Variants in TRIL observed in about 807,000 individuals in gnomAD.
TRIL encodes the protein TLR4 interactor with leucine rich repeats.
A neutral mutation model predicts 43.0 loss-of-function variants in TRIL; 23 were observed. That is an observed-to-expected ratio of 0.54 (90% CI 0.39 to 0.76). TRIL has a LOEUF of 0.76. Among genes scored for constraint, TRIL ranks in the 30% least tolerant of loss-of-function variants. TRIL has a pLI of 0.00. For synonymous variants in TRIL, 602 were observed against 556.8 expected (o/e 1.08, Z -1.14); for missense variants, 1,114 against 1,139.3 (o/e 0.98, Z 0.32).
Position 28,955,743 on chromosome 7 carries a change from G to C in TRIL, c.2304C>G (p.Arg768=), listed in dbSNP as rs887147194. Reference sequence around the variant, plus strand: ...CCTCACTGAGCGCGCACACGGTGGTGCGTGGCCGGTGCGACTGGAATCCCG... The same window carrying C: ...CCTCACTGAGCGCGCACACGGTGGTCCGTGGCCGGTGCGACTGGAATCCCG... ...DFSGFQSHRP[R]TTVCALSEAD... is the part of the protein sequence containing the mutation. The change falls in exon 1 of 1, where the codon CGC becomes CGG. Residue 768 remains arginine, a synonymous_variant. Coordinates refer to ENST00000539664, the MANE Select transcript of TRIL (RefSeq NM_014817.4). The C allele has an allele frequency of 7.7e-6, 12 of 1,550,366 alleles. No individual in the cohort carries two copies. Among genetic ancestry groups the C allele is most frequent in the Non-Finnish European group, 1.0e-5 (12 of 1,146,896 alleles).
chr7:28,957,125 G>T lies in TRIL; in HGVS notation c.922C>A (p.Leu308Met). 6.3e-7 allele frequency: 1 copy of T among 1,578,570 alleles called. No individual in the cohort carries two copies. Among genetic ancestry groups the T allele is most frequent in the Non-Finnish European group, 8.6e-7 (1 of 1,165,264 alleles). The stretch of plus-strand genomic sequence containing the variant: ...AGGGCGGACAGCTCATTGCCGCTCA[G>T]GTCCAGCGCCTCCAGGCTGTGCAGA... Reference protein sequence around the residue: ...EPLHSLEALDLSGNELSALHP... With the variant: ...EPLHSLEALDMSGNELSALHP... Residue 308 changes from leucine (L) to methionine (M), a missense_variant, in exon 1 of 1, where the codon CTG (leucine) becomes ATG (methionine). By Grantham distance (15) the Leu-to-Met change is conservative (BLOSUM62 2). Transcript: ENST00000539664.
At position 28,958,265 on chromosome 7, in the gene TRIL, A is replaced by G. The variant is rs1341653223; in HGVS notation, c.-219T>C. On this transcript the variant is annotated 5_prime_UTR_variant, in exon 1 of 1. Transcript: ENST00000539664. Reference sequence around the variant, plus strand: ...TCAGGCGGCGCGGGGCGCTCTGCAGACCCCGGGTACTACTTGTTGCATTTC... The same window carrying G: ...TCAGGCGGCGCGGGGCGCTCTGCAGGCCCCGGGTACTACTTGTTGCATTTC... 1.8e-6 allele frequency: 1 copy of G among 552,926 alleles called. No homozygotes were observed. The highest frequency in any genetic ancestry group is 3.1e-6 in the Non-Finnish European group (1 of 320,832). The allele number at this position is 552,926 out of a possible 1,614,324, so 34.3% of individuals were successfully genotyped here. A position where few individuals can be genotyped will look rare whatever the true frequency, so the allele number is the denominator to read the frequency against.
rs776504217 is a variant in TRIL at position 28,957,854 on chromosome 7, T to A, written c.193A>T (p.Ser65Cys). ...TTGGTTATGAAGTTGCCGCCGAGGC[T>A]GTAGGTGAGCACGTCGTGGGGGCTC... Reference protein sequence around the residue: ...LPSPHDVLTYSLGGNFITNIT... With the variant: ...LPSPHDVLTYCLGGNFITNIT... Residue 65 changes from serine to cysteine, a missense_variant, in exon 1 of 1, where the codon AGC becomes TGC. Ser to Cys is a moderately radical substitution (Grantham distance 112). Transcript: ENST00000539664. 10 of 1,613,700 alleles carry A rather than the reference T, an allele frequency of 6.2e-6. No homozygotes were observed. Among genetic ancestry groups the A allele is most frequent in the Non-Finnish European group, 8.5e-6 (10 of 1,179,810 alleles).
Position 28,957,033 on chromosome 7 carries a change from G to A in TRIL, c.1014C>T (p.Ser338=). 2 of 1,580,832 alleles carry A rather than the reference G, an allele frequency of 1.3e-6. No homozygotes were observed. Among genetic ancestry groups the A allele is most frequent in the Non-Finnish European group, 1.7e-6 (2 of 1,166,242 alleles). The change falls in exon 1 of 1, where the codon AGC becomes AGT. Residue 338 remains serine, a synonymous_variant. Coordinates refer to ENST00000539664, the MANE Select transcript of TRIL (RefSeq NM_014817.4). ...RELSLRNNAL[S]ALSGDIFAAS... ...CGGCGAAGATGTCCCCGGATAGGGC[G>A]CTGAGCGCGTTGTTGCGCAGGCTGA...
Position 28,958,024 on chromosome 7 carries a change from C to T in TRIL, c.23G>A (p.Arg8His), listed in dbSNP as rs758768615. 6 of 1,569,054 alleles carry T rather than the reference C, an allele frequency of 3.8e-6. No homozygotes were observed. Among genetic ancestry groups the T allele is most frequent in the Non-Finnish European group, 4.3e-6 (5 of 1,164,554 alleles). The part of the protein sequence containing the change: MEAARAL[R>H]LLLVVCGCLA... ...GCAGCCGCACACCACGAGCAGGAGGCGCAAGGCGCGGGCAGCCTCCATCGC... is the reference window on the plus strand; with the variant it reads ...GCAGCCGCACACCACGAGCAGGAGGTGCAAGGCGCGGGCAGCCTCCATCGC... The change falls in exon 1 of 1, where the codon CGC (arginine) becomes CAC (histidine). Residue 8 changes from arginine to histidine, a missense_variant. Arg to His is a conservative substitution (Grantham distance 29, BLOSUM62 0). Transcript: ENST00000539664.
rs1241927906 is a variant in TRIL at position 28,954,697 on chromosome 7, T to C, written c.*914A>G. On this transcript the variant is annotated 3_prime_UTR_variant, in exon 1 of 1. Coordinates refer to ENST00000539664, the MANE Select transcript of TRIL (RefSeq NM_014817.4). ...ACTGTCACAGATGTGGTAAGTGAAC[T>C]GGAACACTGGTGTTCCCCAGTGGGT... 6.6e-6 allele frequency: 1 copy of C among 152,250 alleles called. No homozygotes were observed. Among genetic ancestry groups the C allele is most frequent in the Non-Finnish European group, 1.5e-5 (1 of 68,048 alleles). The allele number at this position is 152,250 out of a possible 1,614,324, so 9.4% of individuals were successfully genotyped here. A position where few individuals can be genotyped will look rare whatever the true frequency, so the allele number is the denominator to read the frequency against.
In TRIL at chr7:28,956,038, C is replaced by A. The variant is rs893676080; in HGVS notation, c.2009G>T (p.Cys670Phe). ...CVEGVLGGRV[C>F]PVAPRDHCAG... ...GCAGTGGTCCCGGGGAGCCACAGGGCAGACACGGCCCCCAAGCACGCCCTC... is the reference window on the plus strand; with the variant it reads ...GCAGTGGTCCCGGGGAGCCACAGGGAAGACACGGCCCCCAAGCACGCCCTC... The change falls in exon 1 of 1, where the codon TGC (cysteine) becomes TTC (phenylalanine). Residue 670 changes from cysteine (C) to phenylalanine (F), a missense_variant. Physicochemically the swap from Cys to Phe is radical, Grantham distance 205. Coordinates refer to ENST00000539664, the MANE Select transcript of TRIL (RefSeq NM_014817.4). 1.2e-5 allele frequency: 18 copies of A among 1,549,676 alleles called. No individual in the cohort carries two copies. The highest frequency in any genetic ancestry group is 1.5e-5 in the Non-Finnish European group (17 of 1,152,270).
In TRIL at chr7:28,956,209, C is replaced by G. The variant is rs1300835394; in HGVS notation, c.1838G>C (p.Arg613Pro). ...RWAVREHRSP[R>P]PLGGARFRLL... ...GCGGAAGCGCGCGCCGCCCAGCGGC[C>G]GGGGACTGCGGTGCTCGCGCACGGC... Residue 613 changes from arginine to proline, a missense_variant, in exon 1 of 1, where the codon CGG becomes CCG. Arg to Pro is a moderately radical substitution (Grantham distance 103). Transcript: ENST00000539664. 3 of 1,559,840 alleles carry G rather than the reference C, an allele frequency of 1.9e-6. No individual in the cohort carries two copies. The South Asian group carries it at 3.5e-5, about 18-fold the overall frequency.
rs927957527 is a variant in TRIL, at chr7:28,957,051, C to A, written c.996G>T (p.Leu332=). ...GHLGRLRELS[L]RNNALSALSG... Reference sequence around the variant, plus strand: ...ATAGGGCGCTGAGCGCGTTGTTGCGCAGGCTGAGCTCGCGCAGCCGGCCCA... The same window carrying A: ...ATAGGGCGCTGAGCGCGTTGTTGCGAAGGCTGAGCTCGCGCAGCCGGCCCA... The change falls in exon 1 of 1, where the codon CTG becomes CTT. Residue 332 remains leucine (L), a synonymous_variant. Coordinates refer to ENST00000539664, the MANE Select transcript of TRIL (RefSeq NM_014817.4). 38 of 1,578,416 alleles carry A rather than the reference C, an allele frequency of 2.4e-5. No individual in the cohort carries two copies. Among genetic ancestry groups the A allele is most frequent in the Non-Finnish European group, 3.1e-5 (36 of 1,165,398 alleles).
chr7:28,955,438 T>C lies in TRIL; in HGVS notation c.*173A>G. 5.0e-6 allele frequency: 5 copies of C among 997,072 alleles called. No individual in the cohort carries two copies. Among genetic ancestry groups the C allele is most frequent in the Non-Finnish European group, 7.1e-6 (5 of 704,478 alleles). The allele number at this position is 997,072 out of a possible 1,614,324, so 61.8% of individuals were successfully genotyped here. ...CTCTGGCTCTGACCACCAAGTACCA[T>C]CCATTTACTTCTCGAGTATTGGGAA... is the stretch of plus-strand genomic sequence containing the variant. On this transcript the variant is annotated 3_prime_UTR_variant, in exon 1 of 1. Coordinates refer to ENST00000539664, the MANE Select transcript of TRIL (RefSeq NM_014817.4).
rs1783401626 is a variant in TRIL, at chr7:28,956,290, A to T, written c.1757T>A (p.Ile586Asn). The T allele has an allele frequency of 6.5e-7, 1 of 1,548,750 alleles. No individual in the cohort carries two copies. Among genetic ancestry groups the T allele is most frequent in the Non-Finnish European group, 8.7e-7 (1 of 1,152,500 alleles). ...CGCCTCCACCGTCAGGTTGCACAGAATGAACTTGTTGAAGTCGCATGGGTC... is the reference window on the plus strand; with the variant it reads ...CGCCTCCACCGTCAGGTTGCACAGATTGAACTTGTTGAAGTCGCATGGGTC... ...VSDPCDFNKF[I>N]LCNLTVEAVG... Residue 586 changes from isoleucine (I) to asparagine (N), a missense_variant, in exon 1 of 1, where the codon ATT (isoleucine) becomes AAT (asparagine). Transcript: ENST00000539664.
rs1425613117 is a variant in TRIL, at chr7:28,955,749, C to T, written c.2298G>A (p.Arg766=). Residue 766 remains arginine (R), a synonymous_variant, in exon 1 of 1, where the codon CGG becomes CGA. Coordinates refer to ENST00000539664, the MANE Select transcript of TRIL (RefSeq NM_014817.4). ...TGAGCGCGCACACGGTGGTGCGTGG[C>T]CGGTGCGACTGGAATCCCGAGAAGT... ...SADFSGFQSH[R]PRTTVCALSE... 6.5e-7 allele frequency: 1 copy of T among 1,550,376 alleles called. No homozygotes were observed. Among genetic ancestry groups the T allele is most frequent in the Non-Finnish European group, 8.7e-7 (1 of 1,146,888 alleles).
Position 28,956,505 on chromosome 7 carries a change from C to A in TRIL, c.1542G>T (p.Lys514Asn). 1 of 1,576,972 alleles carries A rather than the reference C, an allele frequency of 6.3e-7. No individual in the cohort carries two copies. Among genetic ancestry groups the A allele is most frequent in the Non-Finnish European group, 8.6e-7 (1 of 1,169,302 alleles). The change falls in exon 1 of 1, where the codon AAG (lysine) becomes AAT (asparagine). Residue 514 changes from lysine (K) to asparagine (N), a missense_variant. By Grantham distance (94) the Lys-to-Asn change is moderately conservative. Transcript: ENST00000539664. ...CCCGAGTCGGACGGCCCCGCTGGGGCTTCTTGTGCAGGTCTAGGGACTGTG... is the reference window on the plus strand; with the variant it reads ...CCCGAGTCGGACGGCCCCGCTGGGGATTCTTGTGCAGGTCTAGGGACTGTG... Reference protein sequence around the residue: ...PAPQSLDLHKKPQRGRPTRAD... With the variant: ...PAPQSLDLHKNPQRGRPTRAD...
chr7:28,955,408 C>G lies in TRIL; in HGVS notation c.*203G>C, dbSNP rs1783381516. 8 of 753,582 alleles carry G rather than the reference C, an allele frequency of 1.1e-5. No individual in the cohort carries two copies. The East Asian group carries it at 2.0e-4, about 19-fold the overall frequency. The allele number at this position is 753,582 out of a possible 1,614,324, so 46.7% of individuals were successfully genotyped here. On this transcript the variant is annotated 3_prime_UTR_variant, in exon 1 of 1. Transcript: ENST00000539664. Reference sequence around the variant, plus strand: ...CTCAGCATCCCACCATCCATTTGTCCCCTACTCTGGCTCTGACCACCAAGT... The same window carrying G: ...CTCAGCATCCCACCATCCATTTGTCGCCTACTCTGGCTCTGACCACCAAGT...
rs2128114183 is a variant in TRIL at position 28,955,777 on chromosome 7, G to A, written c.2270C>T (p.Ala757Val). Reference protein sequence around the residue: ...PLRSMGTGVSADFSGFQSHRP... With the variant: ...PLRSMGTGVSVDFSGFQSHRP... ...GTGCGACTGGAATCCCGAGAAGTCG[G>A]CGGACACGCCGGTGCCCATGGAGCG... Residue 757 changes from alanine to valine, a missense_variant, in exon 1 of 1, where the codon GCC (alanine) becomes GTC (valine). Transcript: ENST00000539664. 6.5e-7 allele frequency: 1 copy of A among 1,550,252 alleles called. No homozygotes were observed. Among genetic ancestry groups the A allele is most frequent in the East Asian group, 2.4e-5 (1 of 40,898 alleles).
Position 28,956,184 on chromosome 7 carries a change from G to A in TRIL, c.1863C>T (p.Arg621=), listed in dbSNP as rs61742220. The A allele has an allele frequency of 0.23, 354,211 of 1,569,486 alleles. 43,691 individuals are homozygous for A. Among genetic ancestry groups the A allele is most frequent in the East Asian group, 0.56 (24,122 of 42,718 alleles). The change falls in exon 1 of 1, where the codon CGC becomes CGT. Residue 621 remains arginine (R), a synonymous_variant. Transcript: ENST00000539664. ...SPRPLGGARF[R]LLFDRFGQQP... is the part of the protein sequence containing the mutation. ...GCTGGCCAAAGCGGTCAAAGAGCAGGCGGAAGCGCGCGCCGCCCAGCGGCC... is the reference window on the plus strand; with the variant it reads ...GCTGGCCAAAGCGGTCAAAGAGCAGACGGAAGCGCGCGCCGCCCAGCGGCC...
chr7:28,957,888 G>A lies in TRIL; in HGVS notation c.159C>T (p.Ser53=), dbSNP rs751247008. ...GCACGTCGTGGGGGCTCGGCAGCGAGCTGGTCTTGGGCACTACGCGGAGCC... is the reference window on the plus strand; with the variant it reads ...GCACGTCGTGGGGGCTCGGCAGCGAACTGGTCTTGGGCACTACGCGGAGCC... ...NRGLRVVPKT[S]SLPSPHDVLT... Residue 53 remains serine, a synonymous_variant, in exon 1 of 1, where the codon AGC becomes AGT. Coordinates refer to ENST00000539664, the MANE Select transcript of TRIL (RefSeq NM_014817.4). The A allele has an allele frequency of 6.0e-5, 96 of 1,613,196 alleles. No homozygotes were observed. The highest frequency in any genetic ancestry group is 7.4e-5 in the Non-Finnish European group (87 of 1,179,846).
rs1191631767 is a variant in TRIL, at chr7:28,957,668, G to C, written c.379C>G (p.Leu127Val). 6.2e-7 allele frequency: 1 copy of C among 1,609,324 alleles called. No individual in the cohort carries two copies. Among genetic ancestry groups the C allele is most frequent in the African/African-American group, 1.3e-5 (1 of 75,018 alleles). The change falls in exon 1 of 1, where the codon CTG becomes GTG. Residue 127 changes from leucine to valine, a missense_variant. Leu to Val is a conservative substitution (Grantham distance 32, BLOSUM62 1). Transcript: ENST00000539664. ...NLLQALAPGT[L>V]APLRKLRILY... ...ATGCGCAGCTTGCGCAGCGGGGCCA[G>C]CGTGCCCGGGGCGAGCGCCTGCAAG...
rs1783442698 is a variant in TRIL, at chr7:28,958,265, AC to A, written c.-220del. 7.2e-6 allele frequency: 4 copies of A among 553,048 alleles called. No individual in the cohort carries two copies. The highest frequency in any genetic ancestry group is 1.2e-5 in the Non-Finnish European group (4 of 320,826). The allele number at this position is 553,048 out of a possible 1,614,324, so 34.3% of individuals were successfully genotyped here. A position where few individuals can be genotyped will look rare whatever the true frequency, so the allele number is the denominator to read the frequency against. On this transcript the variant is annotated 5_prime_UTR_variant, in exon 1 of 1. It removes the in-frame stop codon of an upstream open reading frame in the 5' UTR. Transcript: ENST00000539664. ...TCAGGCGGCGCGGGGCGCTCTGCAG[AC>A]CCCGGGTACTACTTGTTGCATTTCT...
Sources: gnomAD v4.1 joint callset for allele counts on GRCh38, gnomAD v4.1.1 for gene constraint, MANE v1.5 for transcripts, NCBI Gene and HGNC (gene_info 2026-07-23, HGNC 2026-07-21) for gene names.